Variants in MAP4 observed in about 807,000 individuals in gnomAD.
MAP4 encodes microtubule-associated protein 4.
Under a neutral mutation model 170.2 loss-of-function variants are expected in MAP4, and 76 were observed. The ratio of observed to expected loss-of-function variants is 0.45; its 90% CI spans 0.37 to 0.54. The LOEUF (loss-of-function observed/expected upper bound fraction) is 0.54, where lower values mean the gene tolerates loss of function less well. Ranked by LOEUF, MAP4 falls within the 20% of genes least tolerant of loss-of-function variation. The pLI is 0.00. For missense variants in MAP4, 2,506 were observed against 2,748.0 expected (o/e 0.91, Z 1.97); for synonymous variants, 909 against 994.5 (o/e 0.91, Z 1.62).
chr3:47,883,695 T>G (rs2097149267), intron 10 of MAP4, among the ~76,000 whole-genome samples: 1 of 152,234 alleles, frequency 6.6e-6, no homozygotes, highest in Non-Finnish European at 1.5e-5. Flanking sequence ...TCTTTTTTAT[T>G]TATTTCCCCT....
Position 47,916,784 on chromosome 3 carries a change from A to T in MAP4, c.1043T>A (p.Val348Glu). ...CCTCTCTGTTTCTTTCAACAGTGTC[A>T]CATCCTTGGCTGGGGCTACCTCTGT... Reference protein sequence around the residue: ...TETEVAPAKDVTLLKETERAS... With the variant: ...TETEVAPAKDETLLKETERAS... The change falls in exon 7 of 21, where the codon GTG becomes GAG. Residue 348 changes from valine (V) to glutamate (E), a missense_variant. Physicochemically the swap from Val to Glu is moderately radical, Grantham distance 121. This residue lies in a region of MAP4 where 2,008 missense variants were observed against 2,206.0 expected (regional missense o/e 0.91). Coordinates refer to ENST00000683076, the MANE Select transcript of MAP4 (RefSeq NM_001385682.1). The T allele has an allele frequency of 1.1e-5, 18 of 1,614,172 alleles. No individual in the cohort carries two copies. Among genetic ancestry groups the T allele is most frequent in the Non-Finnish European group, 1.5e-5 (18 of 1,180,028 alleles).
intron 8 of MAP4, among the ~76,000 whole-genome samples, chr3:47,913,795 T>A (rs918952359): frequency 6.6e-6 from 1 of 152,180 alleles, no homozygotes; most frequent in African/African-American, 2.4e-5. Context: ...GGCCCTTATG[T>A]CCCATATGTC....
chr3:48,003,453 C>CAAA (rs201694525), intron 1 of MAP4, among the ~76,000 whole-genome samples: 4 of 111,878 alleles, frequency 3.6e-5, no homozygotes, highest in African/African-American at 1.4e-4. Context: ...GACTCCTTCT[C>CAAA]AAAAAAAAAA....
At chr3:47,857,565 C>T in intron 17 of MAP4, 53 bp from the exon 18 acceptor site, 1 of 1,204,028 alleles carries the variant, frequency 8.3e-7, no homozygotes, top group Non-Finnish European at 1.2e-6. Flanking sequence ...ACTGTCAGAG[C>T]CAACCCCATG....
intron 2 of MAP4, among the ~76,000 whole-genome samples, chr3:47,985,383 G>T (rs1178202492): frequency 6.6e-6 from 1 of 152,322 alleles, no homozygotes; most frequent in Admixed American, 6.5e-5. Context: ...AGGCTGCAGG[G>T]AGCCAAGATT....
intron 10 of MAP4, among the ~76,000 whole-genome samples, chr3:47,902,730 G>T (rs1476477848): frequency 6.6e-6 from 1 of 151,292 alleles, no homozygotes; most frequent in Non-Finnish European, 1.5e-5. Context: ...GGCAAGTGGG[G>T]TGAGAGTAAT....
At chr3:47,953,077 T>C (rs774159566) in intron 3 of MAP4, among the ~76,000 whole-genome samples, 86 of 152,308 alleles carry the variant, frequency 5.6e-4, no homozygotes, top group Admixed American at 1.8e-3. Flanking sequence ...AAGGGGTTGA[T>C]TGCAAAGGGG....
At chr3:47,966,875 A>C (rs994700861) in intron 3 of MAP4, among the ~76,000 whole-genome samples, 2 of 152,202 alleles carry the variant, frequency 1.3e-5, no homozygotes, top group Non-Finnish European at 2.9e-5. Context: ...AGTTTTGATT[A>C]TTATAGCATT....
chr3:48,008,336 C>A (rs182363134), intron 1 of MAP4, among the ~76,000 whole-genome samples: 19 of 152,344 alleles, frequency 1.2e-4, no homozygotes, highest in Admixed American at 9.8e-4. Flanking sequence ...GACGGTTCTG[C>A]ATCATATGCA....
intron 3 of MAP4, among the ~76,000 whole-genome samples, chr3:47,935,812 G>A (rs1577929146): frequency 6.6e-6 from 1 of 151,396 alleles, no homozygotes; most frequent in East Asian, 2.0e-4. Flanking sequence ...GGTGACGTAT[G>A]TCTGTAGTCC....
At position 47,916,237 on chromosome 3, in the gene MAP4, G is replaced by A. The variant is rs766316098; in HGVS notation, c.1590C>T (p.Leu530=). The change falls in exon 7 of 21, where the codon CTC becomes CTT. Residue 530 remains leucine (L), a synonymous_variant. Transcript: ENST00000683076. ...VTPPPETEVV[L]IKNVCLPPEM... The stretch of plus-strand genomic sequence containing the variant: ...CTGGAGGCAGACATACGTTCTTGAT[G>A]AGAACTACTTCTGTTTCTGGAGGTG... The A allele has an allele frequency of 2.0e-5, 32 of 1,614,046 alleles. No homozygotes were observed. The highest frequency in any genetic ancestry group is 2.7e-5 in the Non-Finnish European group (32 of 1,180,034).
chr3:48,025,577 C>T (rs1441288131), intron 1 of MAP4, among the ~76,000 whole-genome samples: 1 of 151,994 alleles, frequency 6.6e-6, no homozygotes, highest in African/African-American at 2.4e-5. Flanking sequence ...GCATGAGCCA[C>T]CATGACATCT....
At position 47,853,479 on chromosome 3, in the gene MAP4, A is replaced by T; in HGVS notation, c.6697-127T>A. 4.4e-6 allele frequency: 3 copies of T among 683,940 alleles called. No homozygotes were observed. The South Asian group carries it at 6.0e-5, about 14-fold the overall frequency. 42.4% of individuals were successfully genotyped at this position (683,940 alleles called of 1,614,324 possible). On this transcript the variant is annotated intron_variant, in intron 19 of 20. Coordinates refer to ENST00000683076, the MANE Select transcript of MAP4 (RefSeq NM_001385682.1). ...CCTGGCACCCACTGGCTCAAGGCAC[A>T]GTCGCTTGGAGAATCCCAGGCAGGT...
intron 2 of MAP4, among the ~76,000 whole-genome samples, chr3:47,983,057 A>G (rs1291013927): frequency 6.6e-6 from 1 of 152,098 alleles, no homozygotes; most frequent in Non-Finnish European, 1.5e-5. Context: ...GGCGTGCGCC[A>G]CCACTCTCAG....
intron 3 of MAP4, among the ~76,000 whole-genome samples, chr3:47,947,779 C>A (rs1276075632): frequency 1.4e-5 from 2 of 146,852 alleles, no homozygotes; most frequent in African/African-American, 2.5e-5. Context: ...CCACTGCACT[C>A]CAGCCTGGGC....
chr3:47,966,228 C>CCTT (rs2100074861), intron 3 of MAP4, among the ~76,000 whole-genome samples: 4 of 50,220 alleles, frequency 8.0e-5, no homozygotes, highest in Non-Finnish European at 1.5e-4. Context: ...CCCACACTAC[C>CCTT]TTTTTTTTTT....
chr3:47,965,994 ATG>A (rs1668282608), intron 3 of MAP4, among the ~76,000 whole-genome samples: 1 of 152,132 alleles, frequency 6.6e-6, no homozygotes, highest in African/African-American at 2.4e-5. Context: ...CTTCTAAGAA[ATG>A]TATAGCCTTG....
intron 3 of MAP4, among the ~76,000 whole-genome samples, chr3:47,977,040 T>C (rs2100082572): frequency 6.6e-6 from 1 of 152,112 alleles, no homozygotes; most frequent in African/African-American, 2.4e-5. Flanking sequence ...TCCACTGCAA[T>C]AATATGAATC....
At chr3:48,019,760 C>CCTTGGTGTG (rs1347114243), upstream of MAP4, among the ~76,000 whole-genome samples, 1 of 152,112 alleles carries the variant, frequency 6.6e-6, no homozygotes, top group East Asian at 1.9e-4. Context: ...ACCTGTGGTC[C>CCTTGGTGTG]CAGCTCTTGG....
Sources: allele counts gnomAD v4.1 joint callset (sites outside exome capture counted in the v4.1 genomes callset), GRCh38; gene constraint gnomAD v4.1.1; regional missense constraint gnomAD v4.1.1; transcripts MANE v1.5; gene names NCBI Gene and HGNC (gene_info 2026-07-23, HGNC 2026-07-21).